ZBTB20: variants seen among roughly 807,000 people sequenced by gnomAD.
ZBTB20 encodes zinc finger and BTB domain containing 20.
In ZBTB20, 9 loss-of-function variants were observed where a neutral mutation model predicts 56.9. The observed-to-expected ratio is 0.16, with a 90% confidence interval of 0.10 to 0.28. The LOEUF (loss-of-function observed/expected upper bound fraction) is 0.28. ZBTB20 is among the 10% of genes least tolerant of loss of function. The pLI is 1.00. For synonymous variants in ZBTB20, 417 were observed against 420.7 expected (o/e 0.99, Z 0.11); for missense variants, 655 against 1,003.0 (o/e 0.65, Z 4.69).
intron 7 of ZBTB20, among the ~76,000 whole-genome samples, chr3:114,403,657 C>A (rs2087022309): frequency 6.6e-6 from 1 of 151,940 alleles, no homozygotes; most frequent in Admixed American, 6.6e-5. Flanking sequence ...TCTGAGAACA[C>A]ATTTTAATTT....
rs1468882053 is a variant in ZBTB20, at chr3:114,350,400, G to A, written c.1678C>T (p.Leu560=). ...FTAQLPAPQP[L]ASSAGHSTAS... ...GTGCTGTGGCCTGCGGATGAGGCCA[G>A]GGGCTGTGGCGCTGGCAGCTGTGCA... Residue 560 remains leucine, a synonymous_variant, in exon 11 of 12, where the codon CTG becomes TTG. Transcript: ENST00000675478. The A allele has an allele frequency of 1.2e-6, 2 of 1,614,202 alleles. No homozygotes were observed. Among genetic ancestry groups the A allele is most frequent in the Non-Finnish European group, 1.7e-6 (2 of 1,180,034 alleles).
chr3:114,853,157 C>T (rs186973384), intron 4 of ZBTB20, among the ~76,000 whole-genome samples: 1 of 152,288 alleles, frequency 6.6e-6, no homozygotes. Flanking sequence ...GGTGTCATTC[C>T]TCATTCACTG....
At chr3:114,903,900 G>C (rs1386340423) in intron 3 of ZBTB20, among the ~76,000 whole-genome samples, 1 of 151,980 alleles carries the variant, frequency 6.6e-6, no homozygotes, top group Non-Finnish European at 1.5e-5. Flanking sequence ...AAACGTTAGA[G>C]TCAGTTTTTT....
At chr3:115,047,845 T>G (rs2081389190) in intron 2 of ZBTB20, among the ~76,000 whole-genome samples, 1 of 152,134 alleles carries the variant, frequency 6.6e-6, no homozygotes, top group African/African-American at 2.4e-5. Context: ...CACAATGACC[T>G]GGAATTGTGA....
At chr3:114,889,697 A>C (rs1272742285) in intron 4 of ZBTB20, among the ~76,000 whole-genome samples, 1 of 152,150 alleles carries the variant, frequency 6.6e-6, no homozygotes, top group Non-Finnish European at 1.5e-5. Context: ...ATGACAGAGA[A>C]CTGTTATTGA....
chr3:114,746,762 T>C (rs971477558), intron 5 of ZBTB20, among the ~76,000 whole-genome samples: 2 of 152,238 alleles, frequency 1.3e-5, no homozygotes, highest in Non-Finnish European at 2.9e-5. Flanking sequence ...CAGTCAGGAA[T>C]ATAGCTTTTA....
chr3:115,036,829 T>A (rs1361836788), intron 2 of ZBTB20, among the ~76,000 whole-genome samples: 2 of 152,176 alleles, frequency 1.3e-5, no homozygotes, highest in African/African-American at 4.8e-5. Flanking sequence ...AATTTGGCCC[T>A]GAGACTGAAA....
intron 1 of ZBTB20, among the ~76,000 whole-genome samples, chr3:115,138,034 G>A (rs2084699893): frequency 1.3e-5 from 2 of 152,090 alleles, no homozygotes; most frequent in Admixed American, 6.6e-5. Context: ...TGAAACAAAT[G>A]TTAAGGGCAC....
chr3:114,550,597 T>C (rs971974118), intron 6 of ZBTB20, among the ~76,000 whole-genome samples: 1 of 152,086 alleles, frequency 6.6e-6, no homozygotes, highest in Non-Finnish European at 1.5e-5. Flanking sequence ...TTTTGGGGGG[T>C]TGTCTTTAAA....
At chr3:114,580,162 G>C (rs1238743241) in intron 6 of ZBTB20, among the ~76,000 whole-genome samples, 3 of 151,382 alleles carry the variant, frequency 2.0e-5, no homozygotes, top group African/African-American at 4.8e-5. Flanking sequence ...AATACACCAA[G>C]AGCAAGAATA....
intron 4 of ZBTB20, among the ~76,000 whole-genome samples, chr3:114,812,076 C>A (rs1050947148): frequency 6.6e-6 from 1 of 152,164 alleles, no homozygotes; most frequent in Non-Finnish European, 1.5e-5. Context: ...CTCATAAAGG[C>A]AGTGTGGACC....
intron 6 of ZBTB20, among the ~76,000 whole-genome samples, chr3:114,586,583 A>T (rs2107525932): frequency 6.6e-6 from 1 of 152,338 alleles, no homozygotes; most frequent in Non-Finnish European, 1.5e-5. Flanking sequence ...GGGTAACTAT[A>T]GGGTCAATAC....
chr3:114,479,909 C>T (rs931232333), intron 7 of ZBTB20, among the ~76,000 whole-genome samples: 3 of 152,132 alleles, frequency 2.0e-5, no homozygotes, highest in African/African-American at 7.2e-5. Flanking sequence ...AAACAAATAC[C>T]CATAGGCTTT....
At chr3:114,815,649 T>C (rs1343380851) in intron 4 of ZBTB20, among the ~76,000 whole-genome samples, 1 of 152,228 alleles carries the variant, frequency 6.6e-6, no homozygotes, top group Admixed American at 6.5e-5. Flanking sequence ...TTATTCATGA[T>C]ACTACTCATT....
intron 2 of ZBTB20, among the ~76,000 whole-genome samples, chr3:115,048,870 T>A (rs1576648366): frequency 6.7e-6 from 1 of 149,412 alleles, no homozygotes; most frequent in African/African-American, 2.6e-5. Flanking sequence ...GACTTCTATC[T>A]AAAAAAAAGG....
chr3:114,432,485 TC>T (rs1475146181), intron 7 of ZBTB20, among the ~76,000 whole-genome samples: 3 of 152,182 alleles, frequency 2.0e-5, no homozygotes, highest in Non-Finnish European at 2.9e-5. Context: ...CATGGCACAG[TC>T]AAGATGGCCT....
At chr3:114,924,980 CTTT>C (rs578028983) in intron 3 of ZBTB20, among the ~76,000 whole-genome samples, 4 of 99,918 alleles carry the variant, frequency 4.0e-5, no homozygotes, top group Non-Finnish European at 6.2e-5. Context: ...TTTGGTTCTT[CTTT>C]TTTTTTTTTT....
Position 114,815,742 on chromosome 3 carries a change from C to T in ZBTB20, c.-416-14568G>A, listed in dbSNP as rs80196816. ...TATACACACACACAAAACACGCACA[C>T]GCACACACGACCGGCTACTACATAA... is the stretch of plus-strand genomic sequence containing the variant. On this transcript the variant is annotated intron_variant, in intron 4 of 11. Coordinates refer to ENST00000675478, the MANE Select transcript of ZBTB20 (RefSeq NM_001348800.3). 4.0e-3 allele frequency among the ~76,000 whole-genome samples: 611 copies of T among 152,084 alleles called. 2 individuals carry two copies. The highest frequency in any genetic ancestry group is 0.014 in the African/African-American group (580 of 41,504).
chr3:115,131,051 G>A (rs938831767), intron 1 of ZBTB20, among the ~76,000 whole-genome samples: 6 of 152,150 alleles, frequency 3.9e-5, no homozygotes, highest in Non-Finnish European at 5.9e-5. Flanking sequence ...GTGAGACACC[G>A]TGCCCGGCCA....
Sources: allele counts gnomAD v4.1 joint callset (sites outside exome capture counted in the v4.1 genomes callset), GRCh38; gene constraint gnomAD v4.1.1; transcripts MANE v1.5; gene names NCBI Gene and HGNC (gene_info 2026-07-23, HGNC 2026-07-21).